The following GOLGA3 variants were observed in gnomAD, a reference collection of about 807,000 sequenced individuals.
The protein encoded by GOLGA3 is golgin A3, also known as golgin subfamily A member 3.
Under a neutral mutation model 169.4 loss-of-function variants are expected in GOLGA3, and 75 were observed. That is an observed-to-expected ratio of 0.44 (90% CI 0.37 to 0.54). The LOEUF is 0.54. Ranked by LOEUF, GOLGA3 falls within the 20% of genes least tolerant of loss-of-function variation. The pLI is 0.00. For synonymous variants in GOLGA3, 824 were observed against 822.4 expected, an observed-to-expected ratio of 1.00 and a Z score of -0.03; for missense variants, 1,899 against 1,930.0, an observed-to-expected ratio of 0.98 and a Z score of 0.30.
intron 1 of GOLGA3, chr12:132,828,272 C>A (rs531721560): frequency 6.6e-6 from 1 of 152,356 alleles, no homozygotes; most frequent in African/African-American, 2.4e-5. Context: ...GGGCAGTGAC[C>A]CAGACCCACA....
intron 4 of GOLGA3, among the ~76,000 whole-genome samples, chr12:132,808,907 G>A (rs1460780266): frequency 2.6e-5 from 4 of 152,236 alleles, no homozygotes; most frequent in African/African-American, 9.6e-5. Flanking sequence ...CGACGAGAGT[G>A]TAGAAATAAA....
Position 132,801,966 on chromosome 12 carries a change from T to G in GOLGA3, c.1601A>C (p.His534Pro). The G allele has an allele frequency of 6.3e-7, 1 of 1,596,148 alleles. No individual in the cohort carries two copies. The highest frequency in any genetic ancestry group is 8.5e-7 in the Non-Finnish European group (1 of 1,176,968). Residue 534 changes from histidine to proline, a missense_variant, in exon 8 of 24, where the codon CAC becomes CCC. Physicochemically the swap from His to Pro is moderately conservative, Grantham distance 77 (BLOSUM62 -2). Coordinates refer to ENST00000450791, the MANE Select transcript of GOLGA3 (RefSeq NM_001389683.1). ...RSMLSKDNTV[H>P]DLRQQMTALQ... ...GGCTGTCATCTGCTGTCGCAGGTCG[T>G]GCACTGAAATGGGGCAAGCACAGCG...
Position 132,789,030 on chromosome 12 carries a change from C to G in GOLGA3, c.2808G>C (p.Leu936Phe), listed in dbSNP as rs778802090. The change falls in exon 13 of 24, where the codon TTG (leucine) becomes TTC (phenylalanine). Residue 936 changes from leucine to phenylalanine, a missense_variant. Leu to Phe is a conservative substitution (Grantham distance 22, BLOSUM62 0). Transcript: ENST00000450791. ...QKERDEMETH[L>F]QSLQFDKEQM... ...AGTCAACCCGACACGGACAGACCTG[C>G]AAGTGTGTTTCCATCTCGTCTCGCT... The G allele has an allele frequency of 1.3e-6, 2 of 1,567,414 alleles. No homozygotes were observed. Among genetic ancestry groups the G allele is most frequent in the Admixed American group, 1.8e-5 (1 of 55,692 alleles).
intron 17 of GOLGA3, among the ~76,000 whole-genome samples, chr12:132,781,422 G>A (rs190015701): frequency 4.7e-4 from 72 of 152,188 alleles, no homozygotes; most frequent in East Asian, 4.6e-3. Context: ...AGCTGGGCGC[G>A]GTGGTGCACG....
At chr12:132,796,265 C>T (rs769042003) in intron 10 of GOLGA3, 45 bp from the exon 11 acceptor site, 11 of 1,541,544 alleles carry the variant, frequency 7.1e-6, no homozygotes, top group South Asian at 7.1e-5. Context: ...GACCCTCCTC[C>T]GAGAGCGTAT....
intron 21 of GOLGA3, 117 bp from the exon 22 acceptor site, chr12:132,775,422 T>A: frequency 3.5e-6 from 3 of 862,366 alleles, no homozygotes; most frequent in Non-Finnish European, 5.3e-6. Context: ...GCCATCTAGA[T>A]GATGCCAGTC....
At position 132,816,799 on chromosome 12, in the gene GOLGA3, G is replaced by A. The variant is rs1471080883; in HGVS notation, c.147C>T (p.Asn49=). The A allele has an allele frequency of 1.3e-6, 2 of 1,596,584 alleles. No individual in the cohort carries two copies. Among genetic ancestry groups the A allele is most frequent in the Admixed American group, 3.4e-5 (2 of 58,770 alleles). Residue 49 remains asparagine (N), a synonymous_variant, in exon 3 of 24, where the codon AAC becomes AAT. Transcript: ENST00000450791. ...QQDKVQCAEV[N]RASTEGESPD... ...GGCTTTCCCCTTCCGTGGATGCTCT[G>A]TTTACCTCGGCACCTGGAAAGACAG...
rs1365074702 is a variant in GOLGA3 at position 132,775,275 on chromosome 12, C to G, written c.4009G>C (p.Glu1337Gln). 1 of 1,612,082 alleles carries G rather than the reference C, an allele frequency of 6.2e-7. No homozygotes were observed. ...TCCTTCTGGGTCATGGACAGGTCTT[C>G]CTGGGCCATCTCCAACTCAGACTTG... ...NVKSELEMAQ[E>Q]DLSMTQKDKF... Residue 1337 changes from glutamate to glutamine, a missense_variant, in exon 22 of 24, where the codon GAA becomes CAA. Transcript: ENST00000450791.
chr12:132,795,120 G>A (rs1455736933), intron 11 of GOLGA3, among the ~76,000 whole-genome samples: 1 of 150,644 alleles, frequency 6.6e-6, no homozygotes, highest in Non-Finnish European at 1.5e-5. Context: ...CCCGGAGGCA[G>A]AGGTTGCAGT....
At chr12:132,825,491 G>A (rs1950374256) in intron 1 of GOLGA3, among the ~76,000 whole-genome samples, 1 of 152,238 alleles carries the variant, frequency 6.6e-6, no homozygotes. Flanking sequence ...CTTCAGTTCT[G>A]CTGATTCTGC....
In GOLGA3 at chr12:132,804,722, T is replaced by C. The variant is rs759222637; in HGVS notation, c.1591A>G (p.Asn531Asp). The stretch of plus-strand genomic sequence containing the variant: ...TGGCCAGGGCCAGCCTCACCTGTGT[T>C]GTCCTTGCTGAGCATGCTCCTCTGC... ...DMQRSMLSKD[N>D]TVHDLRQQMT... The change falls in exon 7 of 24, where the codon AAC becomes GAC. Residue 531 changes from asparagine to aspartate, a missense_variant. Coordinates refer to ENST00000450791, the MANE Select transcript of GOLGA3 (RefSeq NM_001389683.1). The surrounding 1 kb of genome is among the most constrained non-coding windows in gnomAD (Gnocchi z 4.1). 6.2e-7 allele frequency: 1 copy of C among 1,611,786 alleles called. No homozygotes were observed. The highest frequency in any genetic ancestry group is 8.5e-7 in the Non-Finnish European group (1 of 1,178,282).
chr12:132,818,775 G>A (rs1216673667), intron 2 of GOLGA3, among the ~76,000 whole-genome samples: 3 of 152,184 alleles, frequency 2.0e-5, no homozygotes, highest in Non-Finnish European at 4.4e-5. Flanking sequence ...ACCCTAAGGC[G>A]AAGAGGTGGA....
intron 8 of GOLGA3, among the ~76,000 whole-genome samples, chr12:132,798,860 A>T (rs1427441852): frequency 2.0e-5 from 3 of 152,134 alleles, no homozygotes; most frequent in African/African-American, 7.2e-5. Context: ...CCAGACACAC[A>T]CCAGGGCCTG....
rs763774239 is a variant in GOLGA3, at chr12:132,816,534, G to T, written c.406+6C>A. 13 of 1,610,986 alleles carry T rather than the reference G, an allele frequency of 8.1e-6. No homozygotes were observed. The highest frequency in any genetic ancestry group is 1.1e-5 in the Non-Finnish European group (13 of 1,177,662). ...GGGTGGGAAAAGCGGGGTAACGGATGCTTACACAGTTGCGTTTCTTGCATA... is the reference window on the plus strand; with the variant it reads ...GGGTGGGAAAAGCGGGGTAACGGATTCTTACACAGTTGCGTTTCTTGCATA... On this transcript the variant is annotated splice_donor_region_variant and intron_variant, in intron 3 of 23. Coordinates refer to ENST00000450791, the MANE Select transcript of GOLGA3 (RefSeq NM_001389683.1).
chr12:132,777,208 C>G lies in GOLGA3; in HGVS notation c.3723-118G>C, dbSNP rs891123759. On this transcript the variant is annotated intron_variant, in intron 19 of 23. Transcript: ENST00000450791. This position sits in a 1 kb window ranked among gnomAD's most constrained non-coding sequence, Gnocchi z 4.7. ...GTCCTGGCAGGCCCTCTGCTGTGCA[C>G]TGCGTGCTGCAGCCATGCTTGGTGC... 1.8e-6 allele frequency: 2 copies of G among 1,099,086 alleles called. No individual in the cohort carries two copies. The highest frequency in any genetic ancestry group is 2.6e-5 in the Admixed American group (1 of 38,422). 68.1% of individuals were successfully genotyped at this position (1,099,086 alleles called of 1,614,324 possible). A position where few individuals can be genotyped will look rare whatever the true frequency, so the allele number is the denominator to read the frequency against.
chr12:132,788,496 G>A (rs887544437), intron 13 of GOLGA3, among the ~76,000 whole-genome samples: 7 of 152,050 alleles, frequency 4.6e-5, no homozygotes, highest in African/African-American at 1.4e-4. Flanking sequence ...CCGAGAAACT[G>A]TCACCAGCAT....
At chr12:132,825,148 C>G (rs1950358470) in intron 1 of GOLGA3, among the ~76,000 whole-genome samples, 1 of 152,182 alleles carries the variant, frequency 6.6e-6, no homozygotes, top group African/African-American at 2.4e-5. Context: ...GATGTCTTTG[C>G]TTCTGCCTTG....
chr12:132,789,530 C>T (rs1419336741), intron 12 of GOLGA3, among the ~76,000 whole-genome samples: 1 of 152,358 alleles, frequency 6.6e-6, no homozygotes, highest in South Asian at 2.1e-4. Context: ...ACACCGGCCT[C>T]ATAGACGTCT....
rs745396860 is a variant in GOLGA3, at chr12:132,789,152, T to C, written c.2686A>G (p.Thr896Ala). 6.2e-7 allele frequency: 1 copy of C among 1,612,712 alleles called. No individual in the cohort carries two copies. Among genetic ancestry groups the C allele is most frequent in the Admixed American group, 1.7e-5 (1 of 60,028 alleles). The change falls in exon 13 of 24, where the codon ACT becomes GCT. Residue 896 changes from threonine to alanine, a missense_variant. Thr to Ala is a moderately conservative substitution (Grantham distance 58). Transcript: ENST00000450791. ...ELMQVHGEKR[T>A]AEAELSRLHR... is the part of the protein sequence containing the mutation. The stretch of plus-strand genomic sequence containing the variant: ...AGGCGCGAGAGCTCCGCCTCGGCAG[T>C]CCGCTTCTCCCCGTGCACTTGCATC...
Sources: gnomAD v4.1 joint callset for allele counts (sites outside exome capture counted in the v4.1 genomes callset) on GRCh38, gnomAD v4.1.1 for gene constraint, Gnocchi (gnomAD v3.1) non-coding constraint, MANE v1.5 for transcripts, NCBI Gene and HGNC (gene_info 2026-07-23, HGNC 2026-07-21) for gene names.